DMD: variants seen among roughly 807,000 people sequenced by gnomAD.
DMD encodes the protein dystrophin.
A neutral mutation model predicts 330.1 loss-of-function variants in DMD; 63 were observed. That is an observed-to-expected ratio of 0.19 (90% CI 0.16 to 0.24). The LOEUF is 0.24. Among genes scored for constraint, DMD ranks in the 10% least tolerant of loss-of-function variants. The probability of loss-of-function intolerance (pLI) is 1.00; values close to 1 mark genes in which losing one functional copy is unlikely to be tolerated. For missense variants in DMD, 3,344 were observed against 2,684.1 expected (o/e 1.25, Z -5.43); for synonymous variants, 1,223 against 959.8 (o/e 1.27, Z -5.07).
At chrX:32,679,550 A>G (rs1289453202) in intron 9 of DMD, among the ~76,000 whole-genome samples, 3 of 111,428 alleles carry the variant, frequency 2.7e-5, no homozygotes, top group Non-Finnish European at 5.6e-5. Flanking sequence ...CTTATGAACT[A>G]AATGTAATTC....
rs57052299 is a variant in DMD at position 32,657,011 on chromosome X, ATGTG to A, written c.961-11863_961-11860del. ...ATACATATATAGTATACCAACTTAT[ATGTG>A]TGTGTGTGTGTGTGTGTGTGTGTGT... On this transcript the variant is annotated intron_variant, in intron 9 of 78. Transcript: ENST00000357033. 8.2e-3 allele frequency among the ~76,000 whole-genome samples: 822 copies of A among 100,770 alleles called. 7 individuals are homozygous for A. The highest frequency in any genetic ancestry group is 0.03 in the African/African-American group (775 of 26,226). The allele number at this position is 100,770 out of a possible 115,157, so 87.5% of individuals were successfully genotyped here.
chrX:32,909,563 G>C (rs1322841943), intron 2 of DMD, among the ~76,000 whole-genome samples: 1 of 111,475 alleles, frequency 9.0e-6, no homozygotes, highest in Non-Finnish European at 1.9e-5. Context: ...TTTCTACCAA[G>C]TCTCAGCTTA....
chrX:33,250,215 C>T (rs2052751302), intron 1 of DMD, among the ~76,000 whole-genome samples: 1 of 105,414 alleles, frequency 9.5e-6, no homozygotes, highest in Non-Finnish European at 1.9e-5. Flanking sequence ...GACAATTATT[C>T]CACAGACAGG....
intron 55 of DMD, among the ~76,000 whole-genome samples, chrX:31,573,674 T>C (rs2075941129): frequency 8.9e-6 from 1 of 111,996 alleles, no homozygotes; most frequent in Non-Finnish European, 1.9e-5. Flanking sequence ...TTTGAAATTT[T>C]AGTAAGATTA....
intron 44 of DMD, among the ~76,000 whole-genome samples, chrX:32,004,763 G>T (rs1247357456): frequency 1.8e-5 from 2 of 111,188 alleles, no homozygotes; most frequent in Non-Finnish European, 3.8e-5. Flanking sequence ...TGTTTCAACA[G>T]AAAGAGTGCT....
chrX:32,359,228 T>C (rs1489831277), intron 37 of DMD, among the ~76,000 whole-genome samples: 1 of 112,044 alleles, frequency 8.9e-6, no homozygotes, highest in Non-Finnish European at 1.9e-5. Context: ...CTTCGGAATT[T>C]CTTGTCATGA....
chrX:32,511,838 A>T (rs981800072), intron 18 of DMD, among the ~76,000 whole-genome samples: 2 of 111,789 alleles, frequency 1.8e-5, no homozygotes, highest in Non-Finnish European at 3.8e-5. Context: ...TGCTATTAAC[A>T]TATAGAATAC....
intron 25 of DMD, among the ~76,000 whole-genome samples, chrX:32,455,729 T>TAC (rs760393783): frequency 1.8e-5 from 2 of 111,163 alleles, no homozygotes; most frequent in Non-Finnish European, 3.8e-5. Flanking sequence ...GACATATATA[T>TAC]ACTATGGGAT....
chrX:31,706,422 A>C (rs1436051179), intron 52 of DMD, among the ~76,000 whole-genome samples: 1 of 111,663 alleles, frequency 9.0e-6, no homozygotes, highest in African/African-American at 3.3e-5. Context: ...ATAATTATTA[A>C]AAGGAGCTCC....
intron 55 of DMD, among the ~76,000 whole-genome samples, chrX:31,608,858 A>G (rs1160657508): frequency 1.8e-5 from 2 of 111,698 alleles, no homozygotes; most frequent in Non-Finnish European, 3.8e-5. Flanking sequence ...TGGGAAGTAC[A>G]TTCCACTCAT....
intron 2 of DMD, among the ~76,000 whole-genome samples, chrX:32,883,575 C>T (rs190886780): frequency 1.1e-4 from 12 of 109,943 alleles, no homozygotes; most frequent in East Asian, 2.9e-4. Flanking sequence ...CTGTAATCCC[C>T]GCACTTTGGG....
At chrX:32,512,447 G>T (rs1415148985) in intron 18 of DMD, among the ~76,000 whole-genome samples, 3 of 111,857 alleles carry the variant, frequency 2.7e-5, no homozygotes, top group African/African-American at 9.8e-5. Context: ...AAATGCAACT[G>T]CAGAACTGAA....
At chrX:33,013,839 GCA>G (rs1569549551) in intron 2 of DMD, among the ~76,000 whole-genome samples, 3 of 111,961 alleles carry the variant, frequency 2.7e-5, no homozygotes, top group East Asian at 2.8e-4. Flanking sequence ...GTGTGTGCGC[GCA>G]CGCGCGTGTG....
chrX:33,335,434 G>A (rs1284576369), intron 1 of DMD, among the ~76,000 whole-genome samples: 1 of 110,437 alleles, frequency 9.1e-6, no homozygotes, highest in Non-Finnish European at 1.9e-5. Context: ...AACAAAATCA[G>A]TAAGATTTAT....
chrX:32,486,381 C>G (rs192557313), intron 20 of DMD, among the ~76,000 whole-genome samples: 166 of 111,985 alleles, frequency 1.5e-3, no homozygotes, highest in African/African-American at 2.2e-3. Context: ...ATTACCGTTT[C>G]TTTTTCCTTT....
chrX:32,361,217 G>A (rs185504814), intron 37 of DMD, among the ~76,000 whole-genome samples: 97 of 111,016 alleles, frequency 8.7e-4, no homozygotes, highest in African/African-American at 3.1e-3. Flanking sequence ...TCATTGTCTT[G>A]TTATTACATA....
In DMD at chrX:32,839,984, C is replaced by T. The variant is rs1486067599; in HGVS notation, c.264+4799G>A. On this transcript the variant is annotated intron_variant, in intron 4 of 78. Transcript: ENST00000357033. ...TGGACCACCCAAAGTGCTGGTATTA[C>T]AGGCATGAGCCACCGCGCCCAGCCT... Among the ~76,000 whole-genome samples the T allele has an allele frequency of 4.5e-5, 5 of 111,900 alleles. No individual in the cohort carries two copies. In the Admixed American group the frequency reaches 4.8e-4, roughly 11 times the overall value.
At chrX:32,817,008 G>T (rs995506905) in intron 5 of DMD, among the ~76,000 whole-genome samples, 1 of 111,653 alleles carries the variant, frequency 9.0e-6, no homozygotes, top group African/African-American at 3.3e-5. Context: ...ATATAAAAGC[G>T]CTTTTTGGAT....
chrX:31,233,553 T>C (rs1415926110), intron 63 of DMD, among the ~76,000 whole-genome samples: 1 of 111,646 alleles, frequency 9.0e-6, no homozygotes, highest in Non-Finnish European at 1.9e-5. Context: ...ATAATATGGT[T>C]GACATTACCT....
Sources: allele counts gnomAD v4.1 joint callset (sites outside exome capture counted in the v4.1 genomes callset), GRCh38; gene constraint gnomAD v4.1.1; transcripts MANE v1.5; gene names NCBI Gene and HGNC (gene_info 2026-07-23, HGNC 2026-07-21).